The following UBE4B variants were observed in gnomAD, a reference collection of about 807,000 sequenced individuals.
UBE4B encodes the protein ubiquitin conjugation factor E4 B.
Under a neutral mutation model 148.1 loss-of-function variants are expected in UBE4B, and 27 were observed. The observed-to-expected ratio is 0.18, with a 90% CI of 0.13 to 0.25. The LOEUF (loss-of-function observed/expected upper bound fraction) is 0.25, where lower values mean the gene tolerates loss of function less well. Ranked by LOEUF, UBE4B falls within the 10% of genes least tolerant of loss-of-function variation. UBE4B has a pLI of 1.00. For synonymous variants in UBE4B, 596 were observed against 619.3 expected, an observed-to-expected ratio of 0.96 and a Z score of 0.56; for missense variants, 1,170 against 1,662.4, an observed-to-expected ratio of 0.70 and a Z score of 5.15.
intron 21 of UBE4B, among the ~76,000 whole-genome samples, chr1:10,154,061 A>C (rs1570992738): frequency 6.6e-6 from 1 of 151,996 alleles, no homozygotes; most frequent in East Asian, 1.9e-4. Context: ...CAGCCTGGGC[A>C]ACAAGAGCAA....
At position 10,145,007 on chromosome 1, in the gene UBE4B, G is replaced by A. The variant is rs1450102967; in HGVS notation, c.2431G>A (p.Glu811Lys). Reference protein sequence around the residue: ...KDSPLATRHREMLKRCKTQLK... With the variant: ...KDSPLATRHRKMLKRCKTQLK... ...TTCCCCACTGGCAACTAGACACCGC[G>A]AAATGCTGAAGCGCTGTAAAACTCA... Residue 811 changes from glutamate to lysine, a missense_variant, in exon 18 of 28, where the codon GAA (glutamate) becomes AAA (lysine). By Grantham distance (56) the Glu-to-Lys change is moderately conservative. Around this residue, in one of 6 missense-constraint regions of UBE4B, gnomAD observed 388 missense variants for 536.0 expected, o/e 0.72. Transcript: ENST00000343090. 5 of 1,613,662 alleles carry A rather than the reference G, an allele frequency of 3.1e-6. No homozygotes were observed. Among genetic ancestry groups the A allele is most frequent in the Admixed American group, 1.7e-5 (1 of 59,954 alleles).
Position 10,106,397 on chromosome 1 carries a change from A to G in UBE4B, c.1010A>G (p.His337Arg). The G allele has an allele frequency of 8.1e-6, 13 of 1,612,724 alleles. No individual in the cohort carries two copies. The highest frequency in any genetic ancestry group is 1.1e-5 in the South Asian group (1 of 91,020). The change falls in exon 7 of 28, where the codon CAC (histidine) becomes CGC (arginine). Residue 337 changes from histidine (H) to arginine (R), a missense_variant. His to Arg is a conservative substitution (Grantham distance 29). This residue lies in a region of UBE4B where 214 missense variants were observed against 209.1 expected (regional missense o/e 1.02). Coordinates refer to ENST00000343090, the MANE Select transcript of UBE4B (RefSeq NM_001105562.3). The surrounding 1 kb of genome is among the most constrained non-coding windows in gnomAD (Gnocchi z 4.2). ...CGGTATCGCCCCTACACTGTCACTC[A>G]CCCATGGGCGTCCTCAGGCGTCTCC... ...SPRYRPYTVT[H>R]PWASSGVSIL...
intron 1 of UBE4B, among the ~76,000 whole-genome samples, chr1:10,044,346 C>T (rs527362869): frequency 1.2e-4 from 19 of 152,180 alleles, no homozygotes; most frequent in Admixed American, 8.5e-4. Flanking sequence ...GGAGCCACCG[C>T]GCCTGGCCCA....
intron 7 of UBE4B, among the ~76,000 whole-genome samples, chr1:10,111,764 C>T (rs1171137020): frequency 6.6e-6 from 1 of 152,076 alleles, no homozygotes; most frequent in Non-Finnish European, 1.5e-5. Context: ...CAAGACAAGC[C>T]TGGCCAACAT....
At chr1:10,073,611 A>T (rs1026884362) in intron 2 of UBE4B, among the ~76,000 whole-genome samples, 1 of 152,082 alleles carries the variant, frequency 6.6e-6, no homozygotes, top group South Asian at 2.1e-4. Flanking sequence ...TTCCAACTAC[A>T]AGAGAGGCTG....
chr1:10,148,429 C>G (rs1645913890), intron 19 of UBE4B, among the ~76,000 whole-genome samples: 1 of 151,752 alleles, frequency 6.6e-6, no homozygotes, highest in South Asian at 2.1e-4. Context: ...GTCAGGAGTT[C>G]GAGACCATCC....
intron 10 of UBE4B, 125 bp downstream of exon 10, chr1:10,122,201 A>T: frequency 1.7e-6 from 1 of 573,454 alleles, no homozygotes; most frequent in East Asian, 2.9e-5. Flanking sequence ...GAGAAGGCCT[A>T]CCCAATATTC....
In UBE4B at chr1:10,106,483, A is replaced by G. The variant is rs1157977899; in HGVS notation, c.1096A>G (p.Ser366Gly). ...LASSPQAVPA[S>G]SSRQRPSSTG... ...CAGTAGCCCCCAAGCAGTGCCCGCC[A>G]GCAGTTCCAGACAGAGGCCCAGCAG... Residue 366 changes from serine to glycine, a missense_variant, in exon 7 of 28, where the codon AGC becomes GGC. Coordinates refer to ENST00000343090, the MANE Select transcript of UBE4B (RefSeq NM_001105562.3). This position sits in a 1 kb window ranked among gnomAD's most constrained non-coding sequence, Gnocchi z 4.2. 18 of 1,613,570 alleles carry G rather than the reference A, an allele frequency of 1.1e-5. No individual in the cohort carries two copies. The highest frequency in any genetic ancestry group is 1.4e-5 in the Non-Finnish European group (17 of 1,179,978).
intron 21 of UBE4B, 137 bp from the exon 22 acceptor site, chr1:10,158,219 T>C (rs1646105007): frequency 1.8e-6 from 2 of 1,094,440 alleles, no homozygotes; most frequent in South Asian, 3.3e-5. Context: ...GTGCCCTACA[T>C]GCAAAAGAAG....
chr1:10,035,060 G>A (rs575060379), intron 1 of UBE4B, among the ~76,000 whole-genome samples: 203 of 151,964 alleles, frequency 1.3e-3, no homozygotes, highest in African/African-American at 4.7e-3. Context: ...GTGCAGTGGC[G>A]CGATCTCGTC....
intron 2 of UBE4B, among the ~76,000 whole-genome samples, chr1:10,080,096 T>G (rs907133791): frequency 6.6e-6 from 1 of 152,154 alleles, no homozygotes; most frequent in Admixed American, 6.6e-5. Context: ...TAGATTTTTT[T>G]GGAGCATTTT....
chr1:10,175,468 G>C (rs374492131), intron 25 of UBE4B, among the ~76,000 whole-genome samples: 3 of 149,960 alleles, frequency 2.0e-5, no homozygotes, highest in Non-Finnish European at 2.9e-5. Context: ...TGGCTAACAC[G>C]GTGAAACCCC....
intron 11 of UBE4B, 22 bp downstream of exon 11, chr1:10,126,899 T>C (rs771285604): frequency 5.1e-6 from 8 of 1,579,348 alleles, no homozygotes; most frequent in South Asian, 4.5e-5. Flanking sequence ...TTCTTTTTCT[T>C]TAACTCATTC....
chr1:10,129,304 T>C, intron 11 of UBE4B, 88 bp from the exon 12 acceptor site: 2 of 1,265,138 alleles, frequency 1.6e-6, no homozygotes, highest in Non-Finnish European at 2.3e-6. Context: ...AACGAATTTA[T>C]AGCAGCAGTT....
In UBE4B at chr1:10,175,616, A is replaced by T. The variant is rs561338737; in HGVS notation, c.3526-3028A>T. ...CAGTGAGCCGAGATCGCGCCACTGCACTCCAGCCTGGGCGACAGAGCGAGA... is the reference window on the plus strand; with the variant it reads ...CAGTGAGCCGAGATCGCGCCACTGCTCTCCAGCCTGGGCGACAGAGCGAGA... On this transcript the variant is annotated intron_variant, in intron 25 of 27. Coordinates refer to ENST00000343090, the MANE Select transcript of UBE4B (RefSeq NM_001105562.3). 7.1e-3 allele frequency among the ~76,000 whole-genome samples: 1,083 copies of T among 152,202 alleles called. 8 individuals carry two copies. The highest frequency in any genetic ancestry group is 0.012 in the Non-Finnish European group (784 of 68,018).
At chr1:10,099,037 G>A (rs1056206340) in intron 3 of UBE4B, among the ~76,000 whole-genome samples, 15 of 152,062 alleles carry the variant, frequency 9.9e-5, no homozygotes, top group African/African-American at 3.4e-4. Context: ...TCAGGAGTTC[G>A]AGACAAGCCT....
intron 2 of UBE4B, among the ~76,000 whole-genome samples, chr1:10,074,717 C>T (rs1331588362): frequency 6.6e-6 from 1 of 152,216 alleles, no homozygotes; most frequent in African/African-American, 2.4e-5. Context: ...GTATCTGTTC[C>T]TTCTTCACTC....
At chr1:10,119,112 A>C (rs531372940) in intron 8 of UBE4B, among the ~76,000 whole-genome samples, 4 of 150,006 alleles carry the variant, frequency 2.7e-5, no homozygotes, top group Admixed American at 6.6e-5. Context: ...CGATCTCCTG[A>C]CCTTGTGATC....
Position 10,105,663 on chromosome 1 carries a change from TCTTGCTAAACA to T in UBE4B, c.731_741del (p.Leu244TrpfsTer23). 1 of 1,614,196 alleles carries T rather than the reference TCTTGCTAAACA, an allele frequency of 6.2e-7. No individual in the cohort carries two copies. The highest frequency in any genetic ancestry group is 8.5e-7 in the Non-Finnish European group (1 of 1,180,032). On this transcript the variant is annotated frameshift_variant, in exon 6 of 28. Coordinates refer to ENST00000343090, the MANE Select transcript of UBE4B (RefSeq NM_001105562.3). LOFTEE classifies it high-confidence loss of function. ...GCAGCACGGTCACCAGACAGAAATC[TCTTGCTAAACA>T]CTGGCTCCAATCCAGGAACAAGCCC...
Sources: allele counts gnomAD v4.1 joint callset (sites outside exome capture counted in the v4.1 genomes callset), GRCh38; gene constraint gnomAD v4.1.1; regional missense constraint gnomAD v4.1.1; non-coding constraint Gnocchi (gnomAD v3.1); transcripts MANE v1.5; gene names NCBI Gene and HGNC (gene_info 2026-07-23, HGNC 2026-07-21).